CPPED1: variants seen among roughly 807,000 people sequenced by gnomAD.
CPPED1 encodes the protein calcineurin like phosphoesterase domain containing 1.
In CPPED1, 28 loss-of-function variants were observed where a neutral mutation model predicts 28.0. That is an observed-to-expected ratio of 1.00 (90% confidence interval 0.74 to 1.37). The LOEUF is 1.37. Among genes scored for constraint, CPPED1 ranks in the 40% most tolerant of loss-of-function variants. The pLI, the probability that CPPED1 is intolerant of heterozygous loss-of-function variation, is 0.00. For missense variants in CPPED1, 504 were observed against 416.5 expected, an observed-to-expected ratio of 1.21 and a Z score of -1.83; for synonymous variants, 198 against 180.2, an observed-to-expected ratio of 1.10 and a Z score of -0.79.
chr16:12,663,422 T>C lies in CPPED1; in HGVS notation c.*1464A>G, dbSNP rs2079807652. On this transcript the variant is annotated 3_prime_UTR_variant, in exon 4 of 4. Coordinates refer to ENST00000381774, the MANE Select transcript of CPPED1 (RefSeq NM_018340.3). Reference sequence around the variant, plus strand: ...ACTCCTTTTCTTGACCTCCTATACCTACACCTGTTGTAAAGAAACAAATAC... The same window carrying C: ...ACTCCTTTTCTTGACCTCCTATACCCACACCTGTTGTAAAGAAACAAATAC... 6.6e-6 allele frequency: 1 copy of C among 152,156 alleles called. No individual in the cohort carries two copies. Among genetic ancestry groups the C allele is most frequent in the African/African-American group, 2.4e-5 (1 of 41,434 alleles). The allele number at this position is 152,156 out of a possible 1,614,324, so 9.4% of individuals were successfully genotyped here.
chr16:12,752,209 C>A (rs1294543360), intron 2 of CPPED1, among the ~76,000 whole-genome samples: 2 of 152,076 alleles, frequency 1.3e-5, no homozygotes, highest in South Asian at 2.1e-4. Context: ...TTAAGAAAGT[C>A]TATTAAAAAA....
chr16:12,714,649 T>C (rs1358657212), intron 2 of CPPED1, among the ~76,000 whole-genome samples: 1 of 152,236 alleles, frequency 6.6e-6, no homozygotes, highest in Non-Finnish European at 1.5e-5. Context: ...GTCTTTTCAT[T>C]ATTAATATTT....
intron 2 of CPPED1, among the ~76,000 whole-genome samples, chr16:12,746,738 C>T (rs549793388): frequency 1.3e-5 from 2 of 152,228 alleles, no homozygotes; most frequent in African/African-American, 4.8e-5. Context: ...ATGTGACACC[C>T]ATAGCACAAA....
intron 3 of CPPED1, among the ~76,000 whole-genome samples, chr16:12,703,551 C>G (rs1257168190): frequency 1.3e-5 from 2 of 151,946 alleles, no homozygotes; most frequent in African/African-American, 4.8e-5. Context: ...GCGTGGTGGT[C>G]AGCGTTTGTA....
At chr16:12,751,627 A>G (rs2080329728) in intron 2 of CPPED1, among the ~76,000 whole-genome samples, 2 of 152,152 alleles carry the variant, frequency 1.3e-5, no homozygotes, top group Non-Finnish European at 1.5e-5. Flanking sequence ...ATGTCTCCAA[A>G]TGTCTCATTA....
intron 2 of CPPED1, among the ~76,000 whole-genome samples, chr16:12,754,412 GC>G (rs149141349): frequency 0.049 from 7,440 of 152,134 alleles, 273 homozygotes; most frequent in East Asian, 0.14. Flanking sequence ...CATGAGACGG[GC>G]CCCCCATGCT....
intron 2 of CPPED1, among the ~76,000 whole-genome samples, chr16:12,747,319 C>T (rs542589001): frequency 1.2e-4 from 18 of 152,024 alleles, no homozygotes; most frequent in African/African-American, 2.9e-4. Context: ...GTAGTCCCAG[C>T]TACTCAGGAG....
At chr16:12,735,881 GCATC>G (rs2080224264) in intron 2 of CPPED1, among the ~76,000 whole-genome samples, 1 of 152,196 alleles carries the variant, frequency 6.6e-6, no homozygotes, top group African/African-American at 2.4e-5. Context: ...AAAGAGGCCT[GCATC>G]CCCAGTGCCC....
chr16:12,714,799 A>G, intron 2 of CPPED1, among the ~76,000 whole-genome samples: 1 of 152,158 alleles, frequency 6.6e-6, no homozygotes, highest in East Asian at 1.9e-4. Flanking sequence ...CAAGTTTCAT[A>G]AAGTCCAATT....
chr16:12,787,850 G>A (rs771309589), intron 1 of CPPED1, among the ~76,000 whole-genome samples: 7 of 152,208 alleles, frequency 4.6e-5, no homozygotes, highest in Non-Finnish European at 8.8e-5. Flanking sequence ...GTGGGAGTCT[G>A]GCATGGTTTA....
chr16:12,773,936 C>G (rs1404440376), intron 2 of CPPED1, among the ~76,000 whole-genome samples: 3 of 152,104 alleles, frequency 2.0e-5, no homozygotes, highest in Admixed American at 1.3e-4. Flanking sequence ...CGGGAGAAAA[C>G]AGTGTGCCCA....
chr16:12,735,764 T>A (rs2080223728), intron 2 of CPPED1, among the ~76,000 whole-genome samples: 1 of 152,192 alleles, frequency 6.6e-6, no homozygotes, highest in African/African-American at 2.4e-5. Flanking sequence ...ACAAATAAAA[T>A]AAATCAGGGG....
intron 2 of CPPED1, among the ~76,000 whole-genome samples, chr16:12,745,613 A>G (rs7185786): frequency 0.68 from 103,327 of 152,184 alleles, 36,041 homozygotes; most frequent in Admixed American, 0.8. Context: ...ATAAGTGGGA[A>G]TTAAATGATA....
intron 2 of CPPED1, among the ~76,000 whole-genome samples, chr16:12,767,447 C>T (rs948203730): frequency 2.0e-5 from 3 of 152,178 alleles, no homozygotes; most frequent in Non-Finnish European, 4.4e-5. Flanking sequence ...ATCTGGGCAC[C>T]TCCTAGCCCA....
At chr16:12,714,385 G>T (rs11643593) in intron 2 of CPPED1, among the ~76,000 whole-genome samples, 77,817 of 151,950 alleles carry the variant, frequency 0.51, 20,423 homozygotes, top group Admixed American at 0.61. Flanking sequence ...GTCTTCCAAA[G>T]CACCATCCTA....
At chr16:12,778,558 C>G (rs566127719) in intron 2 of CPPED1, among the ~76,000 whole-genome samples, 1 of 152,286 alleles carries the variant, frequency 6.6e-6, no homozygotes, top group East Asian at 1.9e-4. Context: ...TTGCAGGTGT[C>G]AGCCACTGTG....
At position 12,682,285 on chromosome 16, in the gene CPPED1, T is replaced by G. The variant is rs926417366; in HGVS notation, c.716-17170A>C. Among the ~76,000 whole-genome samples the G allele has an allele frequency of 1.3e-5, 2 of 152,082 alleles. No individual in the cohort carries two copies. The highest frequency in any genetic ancestry group is 4.8e-5 in the African/African-American group (2 of 41,392). ...CCTGAACTCAGGTGATCGACCCACT[T>G]TGGTCTCCCAAAAGTGCTGAGATTA... On this transcript the variant is annotated intron_variant, in intron 3 of 3. Transcript: ENST00000381774. The surrounding 1 kb of genome is among the most constrained non-coding windows in gnomAD (Gnocchi z 6.1).
intron 2 of CPPED1, among the ~76,000 whole-genome samples, chr16:12,775,634 T>C (rs2080493448): frequency 6.6e-6 from 1 of 152,168 alleles, no homozygotes; most frequent in Non-Finnish European, 1.5e-5. Context: ...TTCAGATCCA[T>C]TAGGTCTGGG....
chr16:12,788,081 AT>A (rs1349188976), intron 1 of CPPED1, among the ~76,000 whole-genome samples: 1 of 152,204 alleles, frequency 6.6e-6, no homozygotes, highest in Non-Finnish European at 1.5e-5. Flanking sequence ...GGCCTCTCCA[AT>A]ATGGCAGCTT....
Sources: gnomAD v4.1 joint callset for allele counts (sites outside exome capture counted in the v4.1 genomes callset) on GRCh38, gnomAD v4.1.1 for gene constraint, Gnocchi (gnomAD v3.1) non-coding constraint, MANE v1.5 for transcripts, NCBI Gene and HGNC (gene_info 2026-07-23, HGNC 2026-07-21) for gene names.